The following SUPT3H variants were observed in gnomAD, a reference collection of about 807,000 sequenced individuals.
The protein encoded by SUPT3H is transcription initiation protein SPT3 homolog.
SUPT3H carries 44 observed loss-of-function variants against 44.3 expected under a neutral mutation model. The ratio of observed to expected loss-of-function variants is 0.99; its 90% CI spans 0.78 to 1.28. The LOEUF is 1.28. Ranked by LOEUF, SUPT3H falls within the 50% of genes most tolerant of loss-of-function variation. The probability of loss-of-function intolerance (pLI) is 0.00; values close to 1 mark genes in which losing one functional copy is unlikely to be tolerated. For missense variants in SUPT3H, 380 were observed against 387.1 expected, an observed-to-expected ratio of 0.98 and a Z score of 0.15; for synonymous variants, 124 against 125.6, an observed-to-expected ratio of 0.99 and a Z score of 0.09.
intron 2 of SUPT3H, among the ~76,000 whole-genome samples, chr6:45,179,566 G>T (rs1226424262): frequency 6.6e-6 from 1 of 152,122 alleles, no homozygotes; most frequent in Non-Finnish European, 1.5e-5. Flanking sequence ...ATGCAAGGCT[G>T]GTTCAATATA....
intron 5 of SUPT3H, among the ~76,000 whole-genome samples, chr6:45,013,888 G>A (rs980403611): frequency 2.0e-5 from 3 of 152,176 alleles, no homozygotes; most frequent in Admixed American, 6.6e-5. Flanking sequence ...GTGATCATGT[G>A]AGCAGGTCAT....
At chr6:44,920,518 C>T (rs1165735563) in intron 10 of SUPT3H, among the ~76,000 whole-genome samples, 2 of 145,604 alleles carry the variant, frequency 1.4e-5, no homozygotes, top group Non-Finnish European at 3.0e-5. Context: ...GCTATTACTG[C>T]ACTACTGCAT....
At chr6:45,241,881 C>T (rs1236554378) in intron 2 of SUPT3H, among the ~76,000 whole-genome samples, 1 of 152,126 alleles carries the variant, frequency 6.6e-6, no homozygotes, top group Non-Finnish European at 1.5e-5. Flanking sequence ...AAGAATAAAA[C>T]AAAGCATAGG....
intron 7 of SUPT3H, chr6:44,955,620 C>CTG (rs1775008205): frequency 6.6e-6 from 1 of 152,330 alleles, no homozygotes; most frequent in African/African-American, 2.4e-5. Flanking sequence ...ACCCTGCCTC[C>CTG]AGCTCATGGC....
At chr6:44,818,772 G>C (rs1281418968) in intron 11 of SUPT3H, among the ~76,000 whole-genome samples, 1 of 152,118 alleles carries the variant, frequency 6.6e-6, no homozygotes, top group Non-Finnish European at 1.5e-5. Context: ...TACTGGAATG[G>C]CTAAAATTAA....
chr6:45,028,762 C>T (rs1786422456), intron 3 of SUPT3H, among the ~76,000 whole-genome samples: 1 of 151,866 alleles, frequency 6.6e-6, no homozygotes, highest in African/African-American at 2.4e-5. Flanking sequence ...TCATGTTTCT[C>T]TCCTAGATTT....
intron 2 of SUPT3H, among the ~76,000 whole-genome samples, chr6:45,349,889 A>G (rs1384083987): frequency 6.6e-6 from 1 of 152,220 alleles, no homozygotes; most frequent in Non-Finnish European, 1.5e-5. Flanking sequence ...CTCCTTTTAA[A>G]TAAAAAGATC....
intron 3 of SUPT3H, among the ~76,000 whole-genome samples, chr6:45,021,934 TG>T (rs535852641): frequency 6.6e-6 from 1 of 151,724 alleles, no homozygotes; most frequent in Non-Finnish European, 1.5e-5. Context: ...GAAATCTTGG[TG>T]GGGGGGTAGG....
intron 10 of SUPT3H, among the ~76,000 whole-genome samples, chr6:44,863,505 A>C (rs1774997915): frequency 6.6e-6 from 1 of 152,158 alleles, no homozygotes; most frequent in African/African-American, 2.4e-5. Flanking sequence ...CATGTAGTAT[A>C]ATATATGACC....
At chr6:44,949,756 TA>T (rs1773986432) in intron 9 of SUPT3H, among the ~76,000 whole-genome samples, 1 of 152,160 alleles carries the variant, frequency 6.6e-6, no homozygotes, top group African/African-American at 2.4e-5. Context: ...AAATATCCAC[TA>T]GAATGGCTAA....
chr6:45,007,751 T>TG (rs1461928632), intron 5 of SUPT3H, among the ~76,000 whole-genome samples: 103 of 150,112 alleles, frequency 6.9e-4, no homozygotes, highest in Non-Finnish European at 8.0e-4. Flanking sequence ...TTTTTTTTTT[T>TG]GCTGCTTGAT....
chr6:45,293,857 C>A (rs1032651996), intron 2 of SUPT3H, among the ~76,000 whole-genome samples: 8 of 150,548 alleles, frequency 5.3e-5, no homozygotes, highest in East Asian at 1.9e-4. Flanking sequence ...AAATTACTAT[C>A]AAAAAAAAAG....
chr6:45,123,138 A>G (rs948377997), intron 2 of SUPT3H, among the ~76,000 whole-genome samples: 7 of 152,186 alleles, frequency 4.6e-5, no homozygotes, highest in Admixed American at 3.3e-4. Context: ...CACTTTAACA[A>G]TATTCACTGA....
chr6:45,218,737 A>G (rs1765503380), intron 2 of SUPT3H, among the ~76,000 whole-genome samples: 1 of 152,228 alleles, frequency 6.6e-6, no homozygotes, highest in Admixed American at 6.5e-5. Flanking sequence ...TCCGTCTCAA[A>G]AAAAGTACTA....
chr6:44,870,952 C>A (rs550170616), intron 10 of SUPT3H, among the ~76,000 whole-genome samples: 1 of 151,750 alleles, frequency 6.6e-6, no homozygotes, highest in African/African-American at 2.4e-5. Flanking sequence ...GCTTAAAAAA[C>A]GGCGCACCAC....
rs78291754 is a variant in SUPT3H, at chr6:45,256,951, C to T, written c.101+108250G>A. Among the ~76,000 whole-genome samples, 591 of 152,224 alleles carry T rather than the reference C, an allele frequency of 3.9e-3. 7 individuals are homozygous for T. The highest frequency in any genetic ancestry group is 0.014 in the African/African-American group (563 of 41,532). ...TGTCTTCAGTTTTCTTGAGTGCATACCCAGATGTAGAATTGCTAGGTCATG... is the reference window on the plus strand; with the variant it reads ...TGTCTTCAGTTTTCTTGAGTGCATATCCAGATGTAGAATTGCTAGGTCATG... On this transcript the variant is annotated intron_variant, in intron 2 of 10. Transcript: ENST00000371459.
rs565058550 is a variant in SUPT3H at position 45,249,212 on chromosome 6, AC to A, written c.101+115988del. ...TTAATCTTCCCTCATTTTCTGATTT[AC>A]TATTTCATTCAGAGATTTACTTAGC... On this transcript the variant is annotated intron_variant, in intron 2 of 10. Transcript: ENST00000371459. 2.0e-5 allele frequency among the ~76,000 whole-genome samples: 3 copies of A among 152,160 alleles called. No homozygotes were observed. The South Asian group carries it at 6.2e-4, about 31-fold the overall frequency.
chr6:45,096,503 T>C (rs1449516640), intron 3 of SUPT3H, among the ~76,000 whole-genome samples: 5 of 152,106 alleles, frequency 3.3e-5, no homozygotes, highest in South Asian at 2.1e-4. Context: ...TGGAAGAAGG[T>C]GAAATTACTT....
intron 2 of SUPT3H, among the ~76,000 whole-genome samples, chr6:45,288,029 A>G (rs1419954693): frequency 6.6e-6 from 1 of 152,184 alleles, no homozygotes; most frequent in African/African-American, 2.4e-5. Flanking sequence ...ACAGCCATTC[A>G]TGTATTTTAT....
Sources: gnomAD v4.1 joint callset for allele counts (sites outside exome capture counted in the v4.1 genomes callset) on GRCh38, gnomAD v4.1.1 for gene constraint, MANE v1.5 for transcripts, NCBI Gene and HGNC (gene_info 2026-07-23, HGNC 2026-07-21) for gene names.